CEP112: variants seen among roughly 807,000 people sequenced by gnomAD.
CEP112 encodes centrosomal protein of 112 kDa.
In CEP112, 127 loss-of-function variants were observed where a neutral mutation model predicts 153.0. That is an observed-to-expected ratio of 0.83 (90% CI 0.72 to 0.96). The LOEUF (loss-of-function observed/expected upper bound fraction) is 0.96, where lower values mean the gene tolerates loss of function less well. Among genes scored for constraint, CEP112 ranks in the 40% least tolerant of loss-of-function variants. The probability of loss-of-function intolerance (pLI) is 0.00; values close to 1 mark genes in which losing one functional copy is unlikely to be tolerated. For synonymous variants in CEP112, 358 were observed against 374.4 expected (o/e 0.96, Z 0.51); for missense variants, 1,089 against 1,101.2 (o/e 0.99, Z 0.16).
chr17:66,096,079 AAAC>A (rs1428546987), intron 8 of CEP112, among the ~76,000 whole-genome samples, 169 bp downstream of exon 8: 1 of 152,104 alleles, frequency 6.6e-6, no homozygotes, highest in African/African-American at 2.4e-5. Flanking sequence ...CAAAAACAAA[AAAC>A]AAAACAGAAA....
intron 8 of CEP112, among the ~76,000 whole-genome samples, chr17:66,085,077 T>C (rs1418847052): frequency 1.3e-5 from 2 of 152,198 alleles, no homozygotes; most frequent in African/African-American, 2.4e-5. Context: ...AAAGAAGTGA[T>C]ACTTTAACAT....
intron 6 of CEP112, among the ~76,000 whole-genome samples, chr17:66,113,345 C>T (rs1241413195): frequency 7.4e-6 from 1 of 134,424 alleles, no homozygotes; most frequent in Admixed American, 7.0e-5. Context: ...TTCAAAGATA[C>T]ATGCAATTCT....
intron 11 of CEP112, among the ~76,000 whole-genome samples, chr17:66,061,903 C>T (rs759326664): frequency 1.3e-5 from 2 of 152,122 alleles, no homozygotes; most frequent in Non-Finnish European, 2.9e-5. Flanking sequence ...TCCCCATAAT[C>T]CCTATGTGTC....
At position 65,659,041 on chromosome 17, in the gene CEP112, AT is replaced by A. The variant is rs1247450238; in HGVS notation, c.2698-17977del. ...AAAAAAAAAAAAAAAAAAAAAAAAA[AT>A]ATCAGACCATTTCTATCCCCTGCCT... On this transcript the variant is annotated intron_variant, in intron 24 of 26. Coordinates refer to ENST00000535342, the MANE Select transcript of CEP112 (RefSeq NM_001199165.4). Among the ~76,000 whole-genome samples the A allele has an allele frequency of 5.9e-3, 867 of 147,256 alleles. 53 individuals carry two copies. Among genetic ancestry groups the A allele is most frequent in the Non-Finnish European group, 1.0e-2 (670 of 67,068 alleles).
At chr17:65,818,846 CA>C (rs2056397639) in intron 21 of CEP112, among the ~76,000 whole-genome samples, 1 of 151,794 alleles carries the variant, frequency 6.6e-6, no homozygotes, top group African/African-American at 2.4e-5. Context: ...TTCTGGTGTT[CA>C]GATTGACTTT....
At chr17:65,888,681 A>C (rs1284046664) in intron 20 of CEP112, among the ~76,000 whole-genome samples, 1 of 152,208 alleles carries the variant, frequency 6.6e-6, no homozygotes, top group Non-Finnish European at 1.5e-5. Flanking sequence ...AAGAGACAGA[A>C]TGTTACTCAG....
At chr17:66,098,444 G>A (rs889096282) in intron 6 of CEP112, among the ~76,000 whole-genome samples, 4 of 152,036 alleles carry the variant, frequency 2.6e-5, no homozygotes, top group African/African-American at 9.7e-5. Flanking sequence ...TTCCCCAAAC[G>A]ATTTATTACG....
intron 20 of CEP112, among the ~76,000 whole-genome samples, chr17:65,858,515 T>G (rs2058200444): frequency 6.6e-6 from 1 of 152,190 alleles, no homozygotes; most frequent in South Asian, 2.1e-4. Context: ...TAATCTCTGA[T>G]GATCTGGAAT....
intron 19 of CEP112, among the ~76,000 whole-genome samples, chr17:65,907,223 C>T (rs535121079): frequency 1.3e-5 from 2 of 152,250 alleles, no homozygotes; most frequent in African/African-American, 4.8e-5. Context: ...TTCACAGTAA[C>T]TTTCTAAACA....
chr17:66,104,157 A>G (rs529588972), intron 6 of CEP112, among the ~76,000 whole-genome samples: 1 of 152,316 alleles, frequency 6.6e-6, no homozygotes, highest in Admixed American at 6.5e-5. Context: ...CAGCCAGGGT[A>G]GCCAAGAGAG....
chr17:66,113,989 GTTC>G (rs1283152449), intron 6 of CEP112, among the ~76,000 whole-genome samples: 9 of 152,218 alleles, frequency 5.9e-5, no homozygotes, highest in Admixed American at 2.0e-4. Flanking sequence ...TTTTAGAAAA[GTTC>G]TTCTTCTCTC....
chr17:65,773,525 G>A (rs1306159180), intron 21 of CEP112, among the ~76,000 whole-genome samples: 1 of 152,058 alleles, frequency 6.6e-6, no homozygotes, highest in Admixed American at 6.6e-5. Context: ...CACAAAACAA[G>A]AATGTCTCCA....
chr17:65,950,099 G>A (rs1416639239), intron 18 of CEP112, among the ~76,000 whole-genome samples: 2 of 152,026 alleles, frequency 1.3e-5, no homozygotes, highest in Non-Finnish European at 2.9e-5. Flanking sequence ...CCTTCAAAAA[G>A]GTTATACAAC....
chr17:65,954,121 C>T (rs1203570160), intron 18 of CEP112, among the ~76,000 whole-genome samples: 1 of 152,186 alleles, frequency 6.6e-6, no homozygotes, highest in Non-Finnish European at 1.5e-5. Context: ...CTATTTCCAC[C>T]AGAGCAGGTC....
intron 23 of CEP112, among the ~76,000 whole-genome samples, chr17:65,709,420 A>G (rs2049067982): frequency 6.6e-6 from 1 of 152,170 alleles, no homozygotes; most frequent in Non-Finnish European, 1.5e-5. Flanking sequence ...AGCAAGGGAC[A>G]TCTTACATGG....
At chr17:66,150,275 G>A (rs1469419797) in intron 4 of CEP112, among the ~76,000 whole-genome samples, 1 of 148,602 alleles carries the variant, frequency 6.7e-6, no homozygotes, top group Non-Finnish European at 1.5e-5. Context: ...TTGGCTCACT[G>A]TTAGCTCCAC....
chr17:66,028,394 C>A lies in CEP112; in HGVS notation c.1515G>T (p.Met505Ile). The A allele has an allele frequency of 6.4e-7, 1 of 1,571,290 alleles. No homozygotes were observed. The highest frequency in any genetic ancestry group is 1.1e-5 in the South Asian group (1 of 87,086). The change falls in exon 15 of 27, where the codon ATG becomes ATT. Residue 505 changes from methionine (M) to isoleucine (I), a missense_variant. Transcript: ENST00000535342. ...HALSASKASS[M>I]IEELEQNVCQ... ...AGACATTCTGCTCTAATTCTTCAATCATACTAGATGCCTACAAGGATTTTA... is the reference window on the plus strand; with the variant it reads ...AGACATTCTGCTCTAATTCTTCAATAATACTAGATGCCTACAAGGATTTTA...
At chr17:65,653,534 G>A (rs1461597272) in intron 24 of CEP112, among the ~76,000 whole-genome samples, 1 of 152,150 alleles carries the variant, frequency 6.6e-6, no homozygotes, top group Non-Finnish European at 1.5e-5. Context: ...ACAAGGGCAG[G>A]CACTGCAATT....
chr17:65,916,521 T>C (rs1408084103), intron 19 of CEP112, among the ~76,000 whole-genome samples: 1 of 152,030 alleles, frequency 6.6e-6, no homozygotes, highest in Non-Finnish European at 1.5e-5. Context: ...TCCATATCAC[T>C]ATCCAGGAAA....
Sources: allele counts gnomAD v4.1 joint callset (sites outside exome capture counted in the v4.1 genomes callset), GRCh38; gene constraint gnomAD v4.1.1; transcripts MANE v1.5; gene names NCBI Gene and HGNC (gene_info 2026-07-23, HGNC 2026-07-21).